Variants in KIAA1217 observed in about 807,000 individuals in gnomAD.
KIAA1217 encodes the protein sickle tail protein homolog.
KIAA1217 carries 88 observed loss-of-function variants against 163.9 expected under a neutral mutation model. That is an observed-to-expected ratio of 0.54 (90% CI 0.45 to 0.64). The LOEUF (loss-of-function observed/expected upper bound fraction) is 0.64, where lower values mean the gene tolerates loss of function less well. KIAA1217 is among the 30% of genes least tolerant of loss of function. The probability of loss-of-function intolerance (pLI) is 0.00; values close to 1 mark genes in which losing one functional copy is unlikely to be tolerated. For synonymous variants in KIAA1217, 903 were observed against 923.1 expected (o/e 0.98, Z 0.39); for missense variants, 2,372 against 2,475.0 (o/e 0.96, Z 0.88).
intron 2 of KIAA1217, among the ~76,000 whole-genome samples, chr10:24,097,260 A>G (rs1208946678): frequency 6.6e-6 from 1 of 152,224 alleles, no homozygotes; most frequent in Non-Finnish European, 1.5e-5. Flanking sequence ...AGATTCAGAG[A>G]TTAGCATCTG....
chr10:24,053,885 G>C (rs1849692363), intron 2 of KIAA1217, among the ~76,000 whole-genome samples: 1 of 152,132 alleles, frequency 6.6e-6, no homozygotes, highest in Non-Finnish European at 1.5e-5. Context: ...AATGAGAAAG[G>C]AAGCATCATA....
At chr10:23,985,221 T>G (rs1351107262) in intron 1 of KIAA1217, among the ~76,000 whole-genome samples, 1 of 152,232 alleles carries the variant, frequency 6.6e-6, no homozygotes, top group African/African-American at 2.4e-5. Context: ...ACAATGCCCT[T>G]TAGTAGACCT....
intron 2 of KIAA1217, among the ~76,000 whole-genome samples, chr10:24,037,694 C>T (rs2067701): frequency 0.54 from 82,662 of 151,972 alleles, 23,435 homozygotes; most frequent in Middle Eastern, 0.68. Flanking sequence ...AGGTGTGTAC[C>T]ATTCCCAGAG....
rs574166111 is a variant in KIAA1217 at position 24,142,886 on chromosome 10, G to A, written c.-170-76740G>A. ...AAGACAGGCAGATATATCAGGAAGA[G>A]GAAAGGAATTTATTACCACTGTCAA... is the stretch of plus-strand genomic sequence containing the variant. On this transcript the variant is annotated intron_variant, in intron 2 of 18. Coordinates refer to the KIAA1217 transcript ENST00000376462. 6.6e-5 allele frequency among the ~76,000 whole-genome samples: 10 copies of A among 152,220 alleles called. No homozygotes were observed. The South Asian group carries it at 2.1e-3, about 32-fold the overall frequency.
intron 2 of KIAA1217, among the ~76,000 whole-genome samples, chr10:24,189,879 G>A (rs1449982175): frequency 6.6e-6 from 1 of 151,984 alleles, no homozygotes; most frequent in Non-Finnish European, 1.5e-5. Context: ...AAATTAGCTG[G>A]GTATAGTGGT....
intron 1 of KIAA1217, among the ~76,000 whole-genome samples, chr10:23,922,881 T>C (rs895913575): frequency 1.3e-5 from 2 of 152,192 alleles, no homozygotes; most frequent in African/African-American, 4.8e-5. Flanking sequence ...GATGATATAA[T>C]ACTTAAAAAC....
At chr10:24,529,718 G>A (rs1008383275) in intron 14 of KIAA1217, among the ~76,000 whole-genome samples, 5 of 151,870 alleles carry the variant, frequency 3.3e-5, no homozygotes, top group Admixed American at 6.6e-5. Flanking sequence ...TGGGCGGGGC[G>A]GCTCTTCTCA....
intron 2 of KIAA1217, among the ~76,000 whole-genome samples, chr10:24,140,070 T>C (rs930160954): frequency 4.6e-5 from 7 of 152,002 alleles, no homozygotes; most frequent in Non-Finnish European, 4.4e-5. Context: ...AATCACTTTA[T>C]GGCAATGGGC....
intron 1 of KIAA1217, among the ~76,000 whole-genome samples, chr10:23,832,216 T>C (rs932418040): frequency 3.9e-5 from 6 of 152,190 alleles, no homozygotes; most frequent in African/African-American, 1.4e-4. Flanking sequence ...TTGGGTTTGA[T>C]TAATTTCTGG....
At chr10:23,987,709 C>T (rs1312834293) in intron 1 of KIAA1217, among the ~76,000 whole-genome samples, 4 of 151,996 alleles carry the variant, frequency 2.6e-5, no homozygotes, top group African/African-American at 4.8e-5. Flanking sequence ...TTTATAACTA[C>T]AGTCACTACG....
At chr10:23,776,382 A>G (rs950470457) in intron 1 of KIAA1217, among the ~76,000 whole-genome samples, 1 of 151,220 alleles carries the variant, frequency 6.6e-6, no homozygotes, top group East Asian at 1.9e-4. Context: ...ATCTATGATG[A>G]AGATAATGAT....
intron 1 of KIAA1217, among the ~76,000 whole-genome samples, chr10:23,742,309 T>C (rs763836431): frequency 6.6e-6 from 1 of 152,158 alleles, no homozygotes; most frequent in Non-Finnish European, 1.5e-5. Context: ...TAGAAGAGTG[T>C]GACATCTTGG....
At chr10:23,961,910 T>C (rs1844834445) in intron 1 of KIAA1217, among the ~76,000 whole-genome samples, 1 of 152,194 alleles carries the variant, frequency 6.6e-6, no homozygotes, top group Non-Finnish European at 1.5e-5. Flanking sequence ...TCTATGTACC[T>C]GTTTCTGTGT....
chr10:24,524,182 T>C (rs1395261634), intron 12 of KIAA1217, 141 bp from the exon 13 acceptor site: 3 of 749,638 alleles, frequency 4.0e-6, no homozygotes, highest in East Asian at 5.1e-5. Flanking sequence ...GAAAGGGATA[T>C]GTCTATACAT....
rs35966270 is a variant in KIAA1217 at position 24,090,332 on chromosome 10, C to CTTTTTTTTTT, written c.-171+82977_-171+82986dup. On this transcript the variant is annotated intron_variant, in intron 2 of 18. Coordinates refer to the KIAA1217 transcript ENST00000376462. ...CAGGCATGCACCCTCACATCCTGCT[C>CTTTTTTTTTT]TTTTTTTTTTTTTTTTTTTTTTTTT... Among the ~76,000 whole-genome samples the CTTTTTTTTTT allele has an allele frequency of 1.0e-3, 59 of 58,938 alleles. 15 individuals are homozygous for CTTTTTTTTTT. The highest frequency in any genetic ancestry group is 6.9e-3 in the African/African-American group (59 of 8,548). The allele number at this position is 58,938 out of a possible 152,430, so 38.7% of individuals were successfully genotyped here.
At chr10:24,208,754 C>CT (rs2067710682), upstream of KIAA1217, 1 of 158,096 alleles carries the variant, frequency 6.3e-6, no homozygotes, top group African/African-American at 2.4e-5. Context: ...GGCTCTCGGC[C>CT]TTAATCATGT....
chr10:24,339,305 C>T (rs1406125389), intron 2 of KIAA1217, among the ~76,000 whole-genome samples: 1 of 152,130 alleles, frequency 6.6e-6, no homozygotes. Context: ...CCCTTTTGGG[C>T]ATTGTCACCC....
chr10:24,425,965 T>C (rs1243279777), intron 3 of KIAA1217, among the ~76,000 whole-genome samples: 1 of 152,190 alleles, frequency 6.6e-6, no homozygotes, highest in Non-Finnish European at 1.5e-5. Flanking sequence ...TTTTCATAAG[T>C]TGAAAACTTA....
chr10:24,040,620 T>C (rs1486269820), intron 2 of KIAA1217, among the ~76,000 whole-genome samples: 2 of 152,212 alleles, frequency 1.3e-5, no homozygotes, highest in African/African-American at 4.8e-5. Flanking sequence ...GCAAACGTGG[T>C]GGTTCATTAC....
Sources: gnomAD v4.1 joint callset for allele counts (sites outside exome capture counted in the v4.1 genomes callset) on GRCh38, gnomAD v4.1.1 for gene constraint, MANE v1.5 for transcripts, NCBI Gene and HGNC (gene_info 2026-07-23, HGNC 2026-07-21) for gene names.